OR6K3: variants seen among roughly 807,000 people sequenced by gnomAD.
OR6K3 encodes olfactory receptor 6K3.
For synonymous variants in OR6K3, 169 were observed against 137.7 expected (o/e 1.23, Z -1.59); for missense variants, 396 against 382.5 (o/e 1.04, Z -0.29).
upstream of OR6K3, among the ~76,000 whole-genome samples, chr1:158,722,928 G>A (rs1433954901): frequency 6.6e-6 from 1 of 151,896 alleles, no homozygotes; most frequent in East Asian, 1.9e-4. Flanking sequence ...TACTGACATA[G>A]CTATCATGAA....
At chr1:158,721,040 A>G (rs1435784912), upstream of OR6K3, among the ~76,000 whole-genome samples, 2 of 152,024 alleles carry the variant, frequency 1.3e-5, no homozygotes, top group Non-Finnish European at 2.9e-5. Context: ...GTACCAGTGT[A>G]CTATGCAAAG....
upstream of OR6K3, among the ~76,000 whole-genome samples, chr1:158,723,227 G>GTCTATCTATCTA (rs58740771): frequency 0.23 from 33,995 of 150,224 alleles, 4,195 homozygotes; most frequent in East Asian, 0.39. Context: ...TTACCTATCT[G>GTCTATCTATCTA]TCTATCTATC....
upstream of OR6K3, among the ~76,000 whole-genome samples, chr1:158,723,907 T>C (rs1051944465): frequency 2.0e-5 from 3 of 152,094 alleles, no homozygotes; most frequent in Non-Finnish European, 2.9e-5. Flanking sequence ...ATATTTCCTT[T>C]CTATATTTTA....
In OR6K3 at chr1:158,716,893, G is replaced by A; in HGVS notation, c.*275C>T. ...AGCATTTTGGGAGGCAGAGGAGTTTGGATCACCTAAGGTCAGGAGTTCAAG... is the reference window on the plus strand; with the variant it reads ...AGCATTTTGGGAGGCAGAGGAGTTTAGATCACCTAAGGTCAGGAGTTCAAG... On this transcript the variant is annotated 3_prime_UTR_variant, in exon 2 of 2. Coordinates refer to ENST00000368145, the MANE Select transcript of OR6K3 (RefSeq NM_001005327.3). The A allele has an allele frequency of 3.4e-6, 1 of 295,980 alleles. No individual in the cohort carries two copies. The highest frequency in any genetic ancestry group is 6.4e-6 in the Non-Finnish European group (1 of 157,144). The allele number at this position is 295,980 out of a possible 1,614,324, so 18.3% of individuals were successfully genotyped here. A position where few individuals can be genotyped will look rare whatever the true frequency, so the allele number is the denominator to read the frequency against.
At position 158,718,033 on chromosome 1, in the gene OR6K3, A is replaced by C. The variant is rs945726303; in HGVS notation, c.83T>G (p.Phe28Cys). ...AGTATAGATGAAAAGTAAAGGAAAG[A>C]AGTACAGGAGACTACCATCCTGAAG... is the stretch of plus-strand genomic sequence containing the variant. ...PQLQDGSLLY[F>C]FPLLFIYTFI... Residue 28 changes from phenylalanine to cysteine, a missense_variant, in exon 2 of 2, where the codon TTC becomes TGC. Physicochemically the swap from Phe to Cys is radical, Grantham distance 205. Coordinates refer to ENST00000368145, the MANE Select transcript of OR6K3 (RefSeq NM_001005327.3). 6.2e-7 allele frequency: 1 copy of C among 1,612,888 alleles called. No individual in the cohort carries two copies. The highest frequency in any genetic ancestry group is 8.5e-7 in the Non-Finnish European group (1 of 1,179,334).
At chr1:158,723,338 A>C (rs1010409153), upstream of OR6K3, among the ~76,000 whole-genome samples, 1 of 151,998 alleles carries the variant, frequency 6.6e-6, no homozygotes, top group Non-Finnish European at 1.5e-5. Context: ...AAGCAGTCTA[A>C]GTAAATGAAG....
Position 158,718,141 on chromosome 1 carries a change from G to T in OR6K3, c.-17-9C>A, listed in dbSNP as rs1415794428. The T allele has an allele frequency of 5.6e-6, 8 of 1,432,312 alleles. No homozygotes were observed. Among genetic ancestry groups the T allele is most frequent in the Non-Finnish European group, 6.8e-6 (7 of 1,023,746 alleles). The allele number at this position is 1,432,312 out of a possible 1,614,324, so 88.7% of individuals were successfully genotyped here. On this transcript the variant is annotated splice_polypyrimidine_tract_variant and intron_variant, in intron 1 of 1. Coordinates refer to ENST00000368145, the MANE Select transcript of OR6K3 (RefSeq NM_001005327.3). ...ATTTCTAGTAGAGCTACCTGTAAAT[G>T]GAGAGGGCATAGTCCAGCACATGAG... is the stretch of plus-strand genomic sequence containing the variant.
At chr1:158,719,844 T>C (rs1656249596) in intron 1 of OR6K3, among the ~76,000 whole-genome samples, 1 of 152,076 alleles carries the variant, frequency 6.6e-6, no homozygotes, top group Non-Finnish European at 1.5e-5. Context: ...TATTATTACG[T>C]CACTAATGCT....
At chr1:158,723,769 G>A (rs973953848), upstream of OR6K3, among the ~76,000 whole-genome samples, 4 of 151,968 alleles carry the variant, frequency 2.6e-5, no homozygotes, top group Non-Finnish European at 5.9e-5. Flanking sequence ...TTTAACTACT[G>A]TGGTTCGTAA....
At chr1:158,718,576 T>C (rs1313540414) in intron 1 of OR6K3, among the ~76,000 whole-genome samples, 16 of 151,790 alleles carry the variant, frequency 1.1e-4, no homozygotes, top group Admixed American at 1.1e-3. Flanking sequence ...TAACACAAAA[T>C]TATATATCTG....
At chr1:158,722,326 C>T (rs1277463007), upstream of OR6K3, among the ~76,000 whole-genome samples, 4 of 151,924 alleles carry the variant, frequency 2.6e-5, no homozygotes, top group African/African-American at 9.7e-5. Context: ...TAGATTATTG[C>T]TTTGTGCTAA....
At chr1:158,719,822 T>C (rs1656249154) in intron 1 of OR6K3, among the ~76,000 whole-genome samples, 1 of 152,058 alleles carries the variant, frequency 6.6e-6, no homozygotes, top group Non-Finnish European at 1.5e-5. Flanking sequence ...AATTGTACAG[T>C]ATAGTATACG....
At chr1:158,723,139 T>C (rs1433295117), upstream of OR6K3, among the ~76,000 whole-genome samples, 1 of 152,004 alleles carries the variant, frequency 6.6e-6, no homozygotes. Context: ...AATTAATTTC[T>C]AGTGGCAATG....
intron 1 of OR6K3, among the ~76,000 whole-genome samples, chr1:158,719,249 T>C (rs985743699): frequency 1.3e-5 from 2 of 152,042 alleles, no homozygotes; most frequent in Non-Finnish European, 2.9e-5. Context: ...TATTAGCTTG[T>C]GTTGTCTTTC....
chr1:158,723,836 T>C (rs886474701), upstream of OR6K3, among the ~76,000 whole-genome samples: 1 of 152,092 alleles, frequency 6.6e-6, no homozygotes, highest in Non-Finnish European at 1.5e-5. Flanking sequence ...AAAATGTTTA[T>C]ATACAAATAA....
rs781232857 is a variant in OR6K3, at chr1:158,717,842, T to A, written c.274A>T (p.Ile92Phe). The A allele has an allele frequency of 1.9e-6, 3 of 1,613,878 alleles. No homozygotes were observed. The South Asian group carries it at 3.3e-5, about 18-fold the overall frequency. ...TGCAAGATGCAGCCAGTCATTGAGA[T>A]GGCCTTCTTTTCACTGATGAGGTTG... ...LSNLISEKKA[I>F]SMTGCILQMY... is the part of the protein sequence containing the mutation. Residue 92 changes from isoleucine (I) to phenylalanine (F), a missense_variant, in exon 2 of 2, where the codon ATC becomes TTC. Transcript: ENST00000368145.
In OR6K3 at chr1:158,716,970, T is replaced by C. The variant is rs1488036418; in HGVS notation, c.*198A>G. 1 of 483,360 alleles carries C rather than the reference T, an allele frequency of 2.1e-6. No individual in the cohort carries two copies. Among genetic ancestry groups the C allele is most frequent in the African/African-American group, 2.0e-5 (1 of 51,112 alleles). The allele number at this position is 483,360 out of a possible 1,614,324, so 29.9% of individuals were successfully genotyped here. On this transcript the variant is annotated 3_prime_UTR_variant, in exon 2 of 2. Transcript: ENST00000368145. ...CCATCTCCACTAAAAATACAAAAAT[T>C]AGCTGGGTGTGGTGGTGCATGCCTG...
intron 1 of OR6K3, 110 bp from the exon 2 acceptor site, chr1:158,718,242 A>AT (rs1192606487): frequency 2.8e-5 from 18 of 647,568 alleles, no homozygotes; most frequent in African/African-American, 7.4e-5. Flanking sequence ...TGAAGGTTTC[A>AT]TTTTTTTTCC....
In OR6K3 at chr1:158,716,482, A is replaced by G. The variant is rs1408085552; in HGVS notation, c.*686T>C. The G allele has an allele frequency of 6.6e-6, 1 of 152,108 alleles. No homozygotes were observed. Among genetic ancestry groups the G allele is most frequent in the Non-Finnish European group, 1.5e-5 (1 of 67,994 alleles). 9.4% of individuals were successfully genotyped at this position (152,108 alleles called of 1,614,324 possible). The stretch of plus-strand genomic sequence containing the variant: ...ACCCCAATGAGGTAATCCATGACTC[A>G]TAATTAAACAAAAAAACTTTTCTAA... On this transcript the variant is annotated 3_prime_UTR_variant, in exon 2 of 2. Coordinates refer to ENST00000368145, the MANE Select transcript of OR6K3 (RefSeq NM_001005327.3).
Sources: gnomAD v4.1 joint callset for allele counts (sites outside exome capture counted in the v4.1 genomes callset) on GRCh38, gnomAD v4.1.1 for gene constraint, MANE v1.5 for transcripts, NCBI Gene and HGNC (gene_info 2026-07-23, HGNC 2026-07-21) for gene names.